Variants in TPD52 observed in about 807,000 individuals in gnomAD.
TPD52 encodes tumor protein D52.
TPD52 carries 17 observed loss-of-function variants against 31.3 expected under a neutral mutation model. That is an observed-to-expected ratio of 0.54 (90% confidence interval 0.37 to 0.82). The LOEUF is 0.82. Ranked by LOEUF, TPD52 falls within the 40% of genes least tolerant of loss-of-function variation. TPD52 has a pLI of 0.00. For missense variants in TPD52, 212 were observed against 240.1 expected, an observed-to-expected ratio of 0.88 and a Z score of 0.77; for synonymous variants, 83 against 89.6, an observed-to-expected ratio of 0.93 and a Z score of 0.42.
At chr8:80,043,410 C>A (rs769357677) in intron 6 of TPD52, among the ~76,000 whole-genome samples, 34 of 152,246 alleles carry the variant, frequency 2.2e-4, no homozygotes, top group East Asian at 7.7e-4. Flanking sequence ...ATCCTTCCTA[C>A]TACCAAGATG....
chr8:80,048,216 C>T (rs1322298151), intron 5 of TPD52, among the ~76,000 whole-genome samples: 1 of 152,198 alleles, frequency 6.6e-6, no homozygotes, highest in Non-Finnish European at 1.5e-5. Flanking sequence ...CTCTCTCTCT[C>T]TCTTCTCTAT....
intron 1 of TPD52, among the ~76,000 whole-genome samples, chr8:80,146,531 T>TA (rs1341238836): frequency 6.6e-6 from 1 of 152,204 alleles, no homozygotes; most frequent in Non-Finnish European, 1.5e-5. Flanking sequence ...GTGAGCATCA[T>TA]AGAGTGATGG....
intron 1 of TPD52, among the ~76,000 whole-genome samples, chr8:80,099,324 C>T (rs1229878021): frequency 2.0e-5 from 3 of 152,046 alleles, no homozygotes; most frequent in African/African-American, 4.8e-5. Context: ...AGTAGACAAT[C>T]GCCTGACCAA....
At chr8:80,109,177 C>T (rs1006931282) in intron 1 of TPD52, among the ~76,000 whole-genome samples, 2 of 152,164 alleles carry the variant, frequency 1.3e-5, no homozygotes, top group African/African-American at 4.8e-5. Flanking sequence ...GAGAAGAATT[C>T]ACCCAAATAT....
At position 80,062,204 on chromosome 8, in the gene TPD52, A is replaced by G. The variant is rs117588423; in HGVS notation, c.135+2274T>C. 9.4e-3 allele frequency among the ~76,000 whole-genome samples: 1,427 copies of G among 152,352 alleles called. 12 individuals carry two copies. Among genetic ancestry groups the G allele is most frequent in the South Asian group, 0.027 (131 of 4,832 alleles). ...GTAATCAAAATAGTGTGATACTGTC[A>G]AAAGAAAAGACATATAGATGAATGA... On this transcript the variant is annotated intron_variant, in intron 2 of 7. Transcript: ENST00000518937.
intron 2 of TPD52, among the ~76,000 whole-genome samples, chr8:80,058,579 C>A (rs1361101046): frequency 6.6e-6 from 1 of 152,184 alleles, no homozygotes; most frequent in Non-Finnish European, 1.5e-5. Flanking sequence ...AGGTGGATCA[C>A]CTGAGTTCAG....
intron 1 of TPD52, among the ~76,000 whole-genome samples, chr8:80,125,368 C>T (rs1356140817): frequency 7.2e-5 from 11 of 152,066 alleles, no homozygotes; most frequent in East Asian, 1.9e-4. Flanking sequence ...CAGGGAGCTA[C>T]GATCCTGCCA....
At chr8:80,097,518 T>C (rs545261382) in intron 1 of TPD52, among the ~76,000 whole-genome samples, 1 of 152,288 alleles carries the variant, frequency 6.6e-6, no homozygotes, top group South Asian at 2.1e-4. Flanking sequence ...AATAGTGAGT[T>C]CTCAAGAGAT....
At chr8:80,117,809 T>C (rs1807975449) in intron 1 of TPD52, among the ~76,000 whole-genome samples, 1 of 148,856 alleles carries the variant, frequency 6.7e-6, no homozygotes, top group African/African-American at 2.5e-5. Context: ...CTTGGCTCAC[T>C]GCAACCTCCA....
chr8:80,170,942 C>T, intron 1 of TPD52: 1 of 348,662 alleles, frequency 2.9e-6, no homozygotes, highest in Non-Finnish European at 5.6e-6. Flanking sequence ...ATGGGTCATA[C>T]GCCACCAAAA....
intron 1 of TPD52, among the ~76,000 whole-genome samples, chr8:80,135,678 C>A (rs1276168062): frequency 6.7e-6 from 1 of 150,150 alleles, no homozygotes; most frequent in Non-Finnish European, 1.5e-5. Flanking sequence ...AAGACACATG[C>A]ACACGTATGT....
intron 5 of TPD52, among the ~76,000 whole-genome samples, chr8:80,044,446 C>G (rs572741886): frequency 1.3e-5 from 2 of 152,310 alleles, no homozygotes; most frequent in South Asian, 4.1e-4. Context: ...ATTTTTACAG[C>G]ACTTTGAAAA....
At chr8:80,076,618 C>T (rs1563603912) in intron 1 of TPD52, among the ~76,000 whole-genome samples, 1 of 152,152 alleles carries the variant, frequency 6.6e-6, no homozygotes, top group Non-Finnish European at 1.5e-5. Context: ...CCCTATGACA[C>T]ATGTTTACCC....
chr8:80,094,719 A>C (rs1396789519), intron 1 of TPD52, among the ~76,000 whole-genome samples: 2 of 151,672 alleles, frequency 1.3e-5, no homozygotes, highest in Non-Finnish European at 2.9e-5. Context: ...AAAATGGTTA[A>C]AATCACAAAT....
chr8:80,169,521 C>T (rs1245095636), intron 1 of TPD52, among the ~76,000 whole-genome samples: 2 of 152,198 alleles, frequency 1.3e-5, no homozygotes, highest in African/African-American at 2.4e-5. Context: ...TGCAGTGCTA[C>T]CAATGACTGT....
chr8:80,165,249 C>G (rs1311009115), intron 1 of TPD52, among the ~76,000 whole-genome samples: 1 of 152,176 alleles, frequency 6.6e-6, no homozygotes, highest in Non-Finnish European at 1.5e-5. Context: ...AGCAAACGCT[C>G]GCACATGCTG....
intron 1 of TPD52, among the ~76,000 whole-genome samples, chr8:80,126,537 A>G (rs1808621670): frequency 6.9e-6 from 1 of 144,344 alleles, no homozygotes; most frequent in Non-Finnish European, 1.5e-5. Context: ...GCTGGAGGGC[A>G]GTGGTGCAAT....
intron 2 of TPD52, among the ~76,000 whole-genome samples, chr8:80,061,676 C>T (rs1812573146): frequency 1.3e-5 from 2 of 152,022 alleles, no homozygotes; most frequent in African/African-American, 4.8e-5. Context: ...AGAGCAATAC[C>T]TGTCTCAAAA....
chr8:80,086,617 T>C (rs1009763475), intron 1 of TPD52, among the ~76,000 whole-genome samples: 4 of 152,066 alleles, frequency 2.6e-5, no homozygotes, highest in Non-Finnish European at 4.4e-5. Flanking sequence ...CTCACACCTG[T>C]AATCCTGGCA....
Sources: gnomAD v4.1 joint callset for allele counts (sites outside exome capture counted in the v4.1 genomes callset) on GRCh38, gnomAD v4.1.1 for gene constraint, MANE v1.5 for transcripts, NCBI Gene and HGNC (gene_info 2026-07-23, HGNC 2026-07-21) for gene names.